CACNA1E: variants seen among roughly 807,000 people sequenced by gnomAD.
CACNA1E encodes the protein calcium voltage-gated channel subunit alpha1 E, also known as voltage-dependent R-type calcium channel subunit alpha-1E.
CACNA1E carries 40 observed loss-of-function variants against 259.2 expected under a neutral mutation model. That is an observed-to-expected ratio of 0.15 (90% CI 0.12 to 0.20). CACNA1E has a LOEUF of 0.20. Ranked by LOEUF, CACNA1E falls within the 10% of genes least tolerant of loss-of-function variation. The pLI is 1.00. For missense variants in CACNA1E, 1,874 were observed against 3,040.1 expected (o/e 0.62, Z 9.02); for synonymous variants, 1,104 against 1,138.5 (o/e 0.97, Z 0.61).
At chr1:181,472,040 T>C (rs73050061) in intron 2 of CACNA1E, among the ~76,000 whole-genome samples, 53,243 of 151,948 alleles carry the variant, frequency 0.35, 9,596 homozygotes, top group African/African-American at 0.44. Context: ...GAAAATGTGG[T>C]GTATGTAGAC....
At chr1:181,685,357 T>C (rs1337072383) in intron 7 of CACNA1E, among the ~76,000 whole-genome samples, 1 of 152,050 alleles carries the variant, frequency 6.6e-6, no homozygotes, top group African/African-American at 2.4e-5. Context: ...AGTATTATGT[T>C]ATGAATGCCT....
rs1489948483 is a variant in CACNA1E, at chr1:181,733,179, TATAAC to T, written c.2948+147_2948+151del. On this transcript the variant is annotated intron_variant, in intron 20 of 47. Transcript: ENST00000367573. ...ACACACTTTGTGAGGTATGAATAAA[TATAAC>T]AGGCAGTGGGCTCTGTCCCCCCAAA... 18 of 1,294,648 alleles carry T rather than the reference TATAAC, an allele frequency of 1.4e-5. No homozygotes were observed. The East Asian group carries it at 4.1e-4, about 30-fold the overall frequency. The allele number at this position is 1,294,648 out of a possible 1,614,324, so 80.2% of individuals were successfully genotyped here. A position where few individuals can be genotyped will look rare whatever the true frequency, so the allele number is the denominator to read the frequency against.
At chr1:181,755,443 C>T in intron 28 of CACNA1E, 46 bp downstream of exon 28, 2 of 1,486,284 alleles carry the variant, frequency 1.3e-6, no homozygotes, top group Non-Finnish European at 1.9e-6. Context: ...GAAGCATGTC[C>T]TGATGATCCC....
chr1:181,428,155 C>T (rs576346231), intron 2 of CACNA1E, among the ~76,000 whole-genome samples: 6 of 152,298 alleles, frequency 3.9e-5, no homozygotes, highest in African/African-American at 1.4e-4. Context: ...CCCTCACTCT[C>T]CGGAGGACTG....
At chr1:181,658,420 A>G (rs1450147425) in intron 7 of CACNA1E, among the ~76,000 whole-genome samples, 1 of 152,240 alleles carries the variant, frequency 6.6e-6, no homozygotes, top group Non-Finnish European at 1.5e-5. Context: ...GCGAATTTGG[A>G]TAAGTTACTC....
Position 181,483,892 on chromosome 1 carries a change from A to G in CACNA1E, c.148A>G (p.Met50Val), listed in dbSNP as rs1663536108. Residue 50 changes from methionine to valine, a missense_variant, in exon 1 of 48, where the codon ATG becomes GTG. By Grantham distance (21) the Met-to-Val change is conservative (BLOSUM62 1). Coordinates refer to ENST00000367573, the MANE Select transcript of CACNA1E (RefSeq NM_001205293.3). ...KQTKAQRART[M>V]ALYNPIPVRQ... ...GACGAAAGCACAGAGGGCGCGGACT[A>G]TGGCTTTGTACAACCCCATTCCCGT... The G allele has an allele frequency of 6.2e-7, 1 of 1,613,674 alleles. No homozygotes were observed. The highest frequency in any genetic ancestry group is 8.5e-7 in the Non-Finnish European group (1 of 1,179,826).
chr1:181,596,789 A>C (rs1055113914), intron 6 of CACNA1E, among the ~76,000 whole-genome samples: 1 of 152,188 alleles, frequency 6.6e-6, no homozygotes, highest in Non-Finnish European at 1.5e-5. Flanking sequence ...AAAGAACAAG[A>C]AAAGATAATA....
chr1:181,405,128 T>C (rs894118204), intron 1 of CACNA1E, among the ~76,000 whole-genome samples: 1 of 152,232 alleles, frequency 6.6e-6, no homozygotes, highest in African/African-American at 2.4e-5. Context: ...GTGCTGTCCA[T>C]AACTTTACTG....
intron 6 of CACNA1E, among the ~76,000 whole-genome samples, chr1:181,647,023 G>T (rs533920499): frequency 5.4e-5 from 8 of 148,478 alleles, no homozygotes; most frequent in African/African-American, 2.0e-4. Context: ...AGGTGAGGAA[G>T]ATGGAGAGCA....
At chr1:181,491,225 A>G (rs1664288618) in intron 1 of CACNA1E, among the ~76,000 whole-genome samples, 1 of 152,214 alleles carries the variant, frequency 6.6e-6, no homozygotes, top group Non-Finnish European at 1.5e-5. Flanking sequence ...ATTTCCATCA[A>G]CATCAAGGCT....
chr1:181,356,259 A>G (rs987693268), intron 1 of CACNA1E, among the ~76,000 whole-genome samples: 22 of 152,130 alleles, frequency 1.4e-4, no homozygotes, highest in African/African-American at 5.3e-4. Flanking sequence ...ATTTTTAGGA[A>G]GTGGAGCACG....
chr1:181,544,697 G>T (rs890831864), intron 3 of CACNA1E, among the ~76,000 whole-genome samples: 1 of 152,128 alleles, frequency 6.6e-6, no homozygotes. Context: ...AATGTTTATT[G>T]TTGTTCTATT....
At chr1:181,767,516 G>A (rs567929309) in intron 35 of CACNA1E, among the ~76,000 whole-genome samples, 1 of 152,368 alleles carries the variant, frequency 6.6e-6, no homozygotes, top group South Asian at 2.1e-4. Context: ...CCTGCTGGCT[G>A]CCTTCCCAAC....
At chr1:181,538,401 G>C (rs184209751) in intron 3 of CACNA1E, among the ~76,000 whole-genome samples, 36 of 152,252 alleles carry the variant, frequency 2.4e-4, no homozygotes, top group African/African-American at 7.9e-4. Context: ...TTATATGGTG[G>C]TTCTGTATTG....
intron 37 of CACNA1E, among the ~76,000 whole-genome samples, chr1:181,774,371 C>G (rs1051301145): frequency 3.3e-5 from 5 of 152,236 alleles, no homozygotes; most frequent in Non-Finnish European, 4.4e-5. Context: ...GCTCCAACCT[C>G]AGAGGCAGAA....
chr1:181,404,963 C>T (rs1329007737), intron 1 of CACNA1E, among the ~76,000 whole-genome samples: 1 of 152,176 alleles, frequency 6.6e-6, no homozygotes, highest in Non-Finnish European at 1.5e-5. Flanking sequence ...TTCTTGTTTC[C>T]CTAGGTGGCA....
chr1:181,569,685 G>A (rs1488120617), intron 3 of CACNA1E, among the ~76,000 whole-genome samples: 1 of 152,210 alleles, frequency 6.6e-6, no homozygotes, highest in Non-Finnish European at 1.5e-5. Flanking sequence ...CCCAGTCACA[G>A]CTCCGTGGAT....
At position 181,771,340 on chromosome 1, in the gene CACNA1E, C is replaced by T; in HGVS notation, c.4929C>T (p.His1643=). ...ACGAGGAGAGTCACATCAACCGGCACAACAACTTCCGGAGTTTCTTTGGGT... is the reference window on the plus strand; with the variant it reads ...ACGAGGAGAGTCACATCAACCGGCATAACAACTTCCGGAGTTTCTTTGGGT... ...KLDEESHINR[H]NNFRSFFGSL... Residue 1643 remains histidine (H), a synonymous_variant, in exon 36 of 48, where the codon CAC becomes CAT. Transcript: ENST00000367573. The T allele has an allele frequency of 6.2e-7, 1 of 1,603,404 alleles. No individual in the cohort carries two copies. Among genetic ancestry groups the T allele is most frequent in the Non-Finnish European group, 8.5e-7 (1 of 1,173,522 alleles).
chr1:181,444,912 C>CTGTGGT (rs1660710451), intron 2 of CACNA1E, among the ~76,000 whole-genome samples: 1 of 152,160 alleles, frequency 6.6e-6, no homozygotes, highest in Non-Finnish European at 1.5e-5. Context: ...TTTTTCCCAG[C>CTGTGGT]TGTGGTTCCT....
Sources: gnomAD v4.1 joint callset for allele counts (sites outside exome capture counted in the v4.1 genomes callset) on GRCh38, gnomAD v4.1.1 for gene constraint, MANE v1.5 for transcripts, NCBI Gene and HGNC (gene_info 2026-07-23, HGNC 2026-07-21) for gene names.